DNAH12: variants seen among roughly 807,000 people sequenced by gnomAD.
DNAH12 encodes the protein dynein axonemal heavy chain 12, also known as axonemal beta dynein heavy chain 12.
Under a neutral mutation model 371.5 loss-of-function variants are expected in DNAH12, and 285 were observed. The ratio of observed to expected loss-of-function variants is 0.77; its 90% confidence interval spans 0.70 to 0.85. The LOEUF is 0.85. DNAH12 is among the 40% of genes least tolerant of loss of function. The pLI, the probability that DNAH12 is intolerant of heterozygous loss-of-function variation, is 0.00. For synonymous variants in DNAH12, 1,200 were observed against 1,213.0 expected (o/e 0.99, Z 0.22); for missense variants, 3,611 against 3,689.4 (o/e 0.98, Z 0.55).
intron 22 of DNAH12, among the ~76,000 whole-genome samples, chr3:57,455,580 A>G (rs2065880931): frequency 6.6e-6 from 1 of 151,594 alleles, no homozygotes; most frequent in African/African-American, 2.4e-5. Context: ...AAAAACAACA[A>G]CAACAACAAC....
chr3:57,502,186 T>C, intron 10 of DNAH12, 137 bp downstream of exon 10: 1 of 1,165,258 alleles, frequency 8.6e-7, no homozygotes, highest in South Asian at 1.6e-5. Flanking sequence ...TTCTTGACTC[T>C]GCCAAAAGCT....
At chr3:57,382,428 T>C (rs890396519) in intron 49 of DNAH12, 35 bp from the exon 50 acceptor site, 1 of 151,920 alleles carries the variant, frequency 6.6e-6, no homozygotes, top group South Asian at 2.1e-4. Context: ...ACAGGACATA[T>C]TCAGAATAGT....
chr3:57,399,223 A>G (rs2063806191), intron 43 of DNAH12, among the ~76,000 whole-genome samples: 1 of 152,150 alleles, frequency 6.6e-6, no homozygotes, highest in Admixed American at 6.5e-5. Flanking sequence ...AATAAAAATC[A>G]TCATAACATA....
intron 2 of DNAH12, among the ~76,000 whole-genome samples, chr3:57,526,880 T>C (rs979952225): frequency 2.0e-5 from 3 of 151,644 alleles, no homozygotes; most frequent in Non-Finnish European, 4.4e-5. Flanking sequence ...GTCACCCAGG[T>C]TGGGGTGTGG....
At chr3:57,476,994 T>G (rs1482013544) in intron 13 of DNAH12, among the ~76,000 whole-genome samples, 3 of 152,128 alleles carry the variant, frequency 2.0e-5, no homozygotes, top group Non-Finnish European at 4.4e-5. Context: ...GCTCCCAGTG[T>G]GAGCGACGCA....
At chr3:57,552,816 G>C in the DNAH12 span, among the ~76,000 whole-genome samples, 1 of 152,032 alleles carries the variant, frequency 6.6e-6, no homozygotes, top group African/African-American at 2.4e-5. Context: ...GGAGTTCAAG[G>C]CTCCAGTGAA....
chr3:57,360,569 TC>T (rs1204504277), intron 58 of DNAH12, among the ~76,000 whole-genome samples: 3,604 of 152,234 alleles, frequency 0.024, 65 homozygotes, highest in Admixed American at 0.035. Context: ...ATGCCTGTAA[TC>T]CCAGCTACTC....
intron 17 of DNAH12, among the ~76,000 whole-genome samples, chr3:57,463,391 T>C (rs901991301): frequency 6.6e-6 from 1 of 152,118 alleles, no homozygotes; most frequent in Non-Finnish European, 1.5e-5. Flanking sequence ...GGGGAAAATA[T>C]GTGTGCCCAA....
chr3:57,359,769 C>T (rs2062882294), intron 58 of DNAH12, among the ~76,000 whole-genome samples: 2 of 151,958 alleles, frequency 1.3e-5, no homozygotes, highest in African/African-American at 4.8e-5. Flanking sequence ...CTAGAATAAA[C>T]TTGTAAAGTT....
intron 13 of DNAH12, among the ~76,000 whole-genome samples, chr3:57,480,510 C>T (rs1341287677): frequency 1.3e-5 from 2 of 151,054 alleles, no homozygotes; most frequent in African/African-American, 4.9e-5. Flanking sequence ...GAGCTGGTAC[C>T]ATTCCTTCTG....
chr3:57,369,056 A>G (rs1180287048), intron 55 of DNAH12, among the ~76,000 whole-genome samples: 1 of 151,604 alleles, frequency 6.6e-6, no homozygotes, highest in African/African-American at 2.4e-5. Flanking sequence ...AAAAAAAAGT[A>G]AATAAATACA....
At position 57,433,699 on chromosome 3, in the gene DNAH12, G is replaced by A. The variant is rs1299628793; in HGVS notation, c.4785C>T (p.Pro1595=). 3.9e-6 allele frequency: 6 copies of A among 1,550,928 alleles called. No individual in the cohort carries two copies. The highest frequency in any genetic ancestry group is 5.2e-6 in the Non-Finnish European group (6 of 1,146,888). The change falls in exon 31 of 74, where the codon CCC becomes CCT. Residue 1595 remains proline, a synonymous_variant. Coordinates refer to ENST00000495027, the MANE Select transcript of DNAH12 (RefSeq NM_001366028.2). ...AAAGTTGGCCCATAGTAATAGATTT[G>A]GGGTTTACAGTTCTATAAATGACCT... ...EEKVIYRTVN[P]KSITMGQLFG... is the part of the protein sequence containing the mutation.
intron 57 of DNAH12, among the ~76,000 whole-genome samples, chr3:57,364,159 G>T (rs2062997712): frequency 6.6e-6 from 1 of 152,086 alleles, no homozygotes; most frequent in African/African-American, 2.4e-5. Context: ...AGCACACATT[G>T]AAAGGATGAC....
At chr3:57,351,797 G>A (rs1553660428) in intron 60 of DNAH12, among the ~76,000 whole-genome samples, 2 of 152,118 alleles carry the variant, frequency 1.3e-5, no homozygotes, top group Admixed American at 6.6e-5. Context: ...GAGTACAAGT[G>A]CTTCAAGGAT....
intron 67 of DNAH12, 71 bp from the exon 68 acceptor site, chr3:57,309,925 C>T: frequency 7.6e-7 from 1 of 1,315,160 alleles, no homozygotes; most frequent in Non-Finnish European, 1.0e-6. Flanking sequence ...GGATACGCTA[C>T]TCCAAAATAT....
chr3:57,373,481 A>ATT lies in DNAH12; in HGVS notation c.8759+1888_8759+1889dup, dbSNP rs879077079. The stretch of plus-strand genomic sequence containing the variant: ...AGGTGCACACCACCACACCTGGCTA[A>ATT]TTTTTTTTTTTTTTTTGTATTTTCA... On this transcript the variant is annotated intron_variant, in intron 55 of 73. Transcript: ENST00000495027. Among the ~76,000 whole-genome samples, 323 of 140,988 alleles carry ATT rather than the reference A, an allele frequency of 2.3e-3. 2 individuals carry two copies. Among genetic ancestry groups the ATT allele is most frequent in the Middle Eastern group, 0.011 (3 of 266 alleles). The allele number at this position is 140,988 out of a possible 152,430, so 92.5% of individuals were successfully genotyped here.
chr3:57,348,382 C>T (rs1248641156), intron 60 of DNAH12, among the ~76,000 whole-genome samples: 1 of 152,078 alleles, frequency 6.6e-6, no homozygotes, highest in South Asian at 2.1e-4. Context: ...AAATAGAACA[C>T]AGAGGATTTT....
chr3:57,496,292 T>C (rs1240116831), intron 11 of DNAH12, among the ~76,000 whole-genome samples: 1 of 152,032 alleles, frequency 6.6e-6, no homozygotes, highest in East Asian at 1.9e-4. Flanking sequence ...TATGAGATAA[T>C]AAAGTCTGGT....
Position 57,386,554 on chromosome 3 carries a change from G to T in DNAH12, c.7489C>A (p.Leu2497Ile), listed in dbSNP as rs892590653. The T allele has an allele frequency of 1.3e-5, 2 of 152,194 alleles. No individual in the cohort carries two copies. The highest frequency in any genetic ancestry group is 2.9e-5 in the Non-Finnish European group (2 of 68,026). 9.4% of individuals were successfully genotyped at this position (152,194 alleles called of 1,614,324 possible). Residue 2497 changes from leucine to isoleucine, a missense_variant, in exon 47 of 74, where the codon CTT becomes ATT. Physicochemically the swap from Leu to Ile is conservative, Grantham distance 5. Coordinates refer to ENST00000495027, the MANE Select transcript of DNAH12 (RefSeq NM_001366028.2). ...TGTCGAAATGAGCCAATGAGTTCAA[G>T]ATAAGAAGTAGCAGTAACATAGTTA... Reference protein sequence around the residue: ...RHNYVTATSYLELIGSFRQLL... With the variant: ...RHNYVTATSYIELIGSFRQLL...
Sources: gnomAD v4.1 joint callset for allele counts (sites outside exome capture counted in the v4.1 genomes callset) on GRCh38, gnomAD v4.1.1 for gene constraint, MANE v1.5 for transcripts, NCBI Gene and HGNC (gene_info 2026-07-23, HGNC 2026-07-21) for gene names.